The following SHC2 variants were observed in gnomAD, a reference collection of about 807,000 sequenced individuals.
The protein encoded by SHC2 is SHC adaptor protein 2, also known as SHC-transforming protein 2.
Under a neutral mutation model 60.6 loss-of-function variants are expected in SHC2, and 62 were observed. The observed-to-expected ratio is 1.02, with a 90% confidence interval of 0.83 to 1.26. The LOEUF is 1.26. Among genes scored for constraint, SHC2 ranks in the 50% most tolerant of loss-of-function variants. The pLI, the probability that SHC2 is intolerant of heterozygous loss-of-function variation, is 0.00. For missense variants in SHC2, 873 were observed against 822.2 expected (o/e 1.06, Z -0.76); for synonymous variants, 375 against 372.4 (o/e 1.01, Z -0.08).
At chr19:443,039 ATGGATGGACGGGTGGG>A (rs1180941844) in intron 1 of SHC2, among the ~76,000 whole-genome samples, 1 of 107,368 alleles carries the variant, frequency 9.3e-6, no homozygotes, top group Admixed American at 9.7e-5. Flanking sequence ...GGATGAATGG[ATGGATGGACGGGTGGG>A]TGGATGAGTG....
In SHC2 at chr19:428,940, G is replaced by A. The variant is rs553223468; in HGVS notation, c.1174+1744C>T. ...CACGGAAACCTCATACCGTGTGGAT[G>A]ACGCAGTACCTATACCCAACGTGCA... On this transcript the variant is annotated intron_variant, in intron 9 of 12. Coordinates refer to ENST00000264554, the MANE Select transcript of SHC2 (RefSeq NM_012435.3). Among the ~76,000 whole-genome samples, 15 of 149,886 alleles carry A rather than the reference G, an allele frequency of 1.0e-4. No individual in the cohort carries two copies. The South Asian group carries it at 3.2e-3, about 32-fold the overall frequency.
chr19:429,358 A>G (rs1449390908), intron 9 of SHC2, among the ~76,000 whole-genome samples: 2 of 149,120 alleles, frequency 1.3e-5, no homozygotes, highest in Non-Finnish European at 3.0e-5. Context: ...CCCAACACGC[A>G]CGGAAACCTA....
intron 11 of SHC2, among the ~76,000 whole-genome samples, chr19:420,681 T>C (rs1225846400): frequency 6.6e-6 from 1 of 152,170 alleles, no homozygotes; most frequent in Non-Finnish European, 1.5e-5. Context: ...ACTTCAAATA[T>C]GCAATTGATG....
Position 416,733 on chromosome 19 carries a change from G to A in SHC2, c.*595C>T, listed in dbSNP as rs1162292881. 1 of 152,254 alleles carries A rather than the reference G, an allele frequency of 6.6e-6. No individual in the cohort carries two copies. Among genetic ancestry groups the A allele is most frequent in the Admixed American group, 6.5e-5 (1 of 15,288 alleles). The allele number at this position is 152,254 out of a possible 1,614,324, so 9.4% of individuals were successfully genotyped here. On this transcript the variant is annotated 3_prime_UTR_variant, in exon 13 of 13. Transcript: ENST00000264554. Reference sequence around the variant, plus strand: ...CCTTCCCCTGCTCCCAGGTGGAGTAGGGGCCTCACGACTGCCTCGATATCC... The same window carrying A: ...CCTTCCCCTGCTCCCAGGTGGAGTAAGGGCCTCACGACTGCCTCGATATCC...
intron 11 of SHC2, among the ~76,000 whole-genome samples, chr19:420,747 AT>A (rs1271977548): frequency 3.3e-5 from 5 of 152,218 alleles, no homozygotes; most frequent in African/African-American, 1.2e-4. Context: ...GGGAGAGTGT[AT>A]ATCTTAGAAC....
chr19:422,472 A>C lies in SHC2; in HGVS notation c.1310-16T>G, dbSNP rs1196272672. ...TCAAAGGGTCCTGCAGGCCAGGGAC[A>C]GGAGTGCTGGGCAGGCAGGGGGCAA... On this transcript the variant is annotated splice_polypyrimidine_tract_variant and intron_variant, in intron 10 of 12. Transcript: ENST00000264554. This position sits in a 1 kb window ranked among gnomAD's most constrained non-coding sequence, Gnocchi z 5.0. 23 of 1,504,310 alleles carry C rather than the reference A, an allele frequency of 1.5e-5. No homozygotes were observed. Among genetic ancestry groups the C allele is most frequent in the Admixed American group, 2.2e-5 (1 of 46,192 alleles). 93.2% of individuals were successfully genotyped at this position (1,504,310 alleles called of 1,614,324 possible). A position where few individuals can be genotyped will look rare whatever the true frequency, so the allele number is the denominator to read the frequency against.
At chr19:455,068 C>T (rs1161390474) in intron 1 of SHC2, among the ~76,000 whole-genome samples, 6 of 152,242 alleles carry the variant, frequency 3.9e-5, no homozygotes, top group Non-Finnish European at 8.8e-5. Context: ...TTTAATGACA[C>T]CTGCAGAGAG....
intron 1 of SHC2, among the ~76,000 whole-genome samples, chr19:442,575 C>A (rs1253178713): frequency 1.6e-3 from 4 of 2,434 alleles, no homozygotes; most frequent in Non-Finnish European, 2.8e-3. Flanking sequence ...GGACGGATGG[C>A]TGGATGGATG....
At chr19:429,910 A>G (rs1431768788) in intron 9 of SHC2, among the ~76,000 whole-genome samples, 4 of 147,972 alleles carry the variant, frequency 2.7e-5, no homozygotes, top group African/African-American at 7.6e-5. Context: ...GAAACCTAAT[A>G]CCGTGTGGAT....
chr19:428,094 G>A (rs574284004), intron 9 of SHC2, among the ~76,000 whole-genome samples: 2 of 152,296 alleles, frequency 1.3e-5, no homozygotes, highest in Admixed American at 6.5e-5. Flanking sequence ...GTGCAGTGAC[G>A]CACGCCTGTG....
intron 9 of SHC2, among the ~76,000 whole-genome samples, chr19:428,398 A>G (rs990763544): frequency 1.3e-5 from 2 of 152,220 alleles, no homozygotes; most frequent in African/African-American, 2.4e-5. Context: ...AAGGCCTGCA[A>G]TCAACGCAGA....
intron 5 of SHC2, 47 bp downstream of exon 5, chr19:436,583 G>T: frequency 6.3e-7 from 1 of 1,591,354 alleles, no homozygotes. Flanking sequence ...TCTCGCGGCC[G>T]GAGGGGGGCG....
intron 12 of SHC2, among the ~76,000 whole-genome samples, chr19:417,838 G>A (rs376846531): frequency 2.6e-5 from 4 of 152,184 alleles, no homozygotes; most frequent in South Asian, 2.1e-4. Context: ...GGTGGAGGCC[G>A]CGGCCGCATA....
In SHC2 at chr19:440,972, C is replaced by T. The variant is rs1255176304; in HGVS notation, c.469-40G>A. Reference sequence around the variant, plus strand: ...CAGGTGTCAGATGCCATCGGAACCCCCGCAGTGGAGCCACGTCCCTTTTCC... The same window carrying T: ...CAGGTGTCAGATGCCATCGGAACCCTCGCAGTGGAGCCACGTCCCTTTTCC... On this transcript the variant is annotated intron_variant, in intron 1 of 12. Coordinates refer to ENST00000264554, the MANE Select transcript of SHC2 (RefSeq NM_012435.3). This position sits in a 1 kb window ranked among gnomAD's most constrained non-coding sequence, Gnocchi z 7.0. 1.3e-6 allele frequency: 2 copies of T among 1,587,134 alleles called. No individual in the cohort carries two copies. The highest frequency in any genetic ancestry group is 1.7e-6 in the Non-Finnish European group (2 of 1,156,846).
Position 446,931 on chromosome 19 carries a change from C to T in SHC2, c.469-5999G>A, listed in dbSNP as rs959864900. On this transcript the variant is annotated intron_variant, in intron 1 of 12. Transcript: ENST00000264554. This position sits in a 1 kb window ranked among gnomAD's most constrained non-coding sequence, Gnocchi z 5.4. Reference sequence around the variant, plus strand: ...GGGAGACCGTCCGAGTCTCCGCCACCGCCCACGCCAGCCACCGGGACCCAC... The same window carrying T: ...GGGAGACCGTCCGAGTCTCCGCCACTGCCCACGCCAGCCACCGGGACCCAC... 1.3e-4 allele frequency among the ~76,000 whole-genome samples: 20 copies of T among 152,204 alleles called. No individual in the cohort carries two copies. Among genetic ancestry groups the T allele is most frequent in the Admixed American group, 1.1e-3 (17 of 15,296 alleles).
At chr19:450,906 T>G (rs1162516230) in intron 1 of SHC2, among the ~76,000 whole-genome samples, 1 of 147,624 alleles carries the variant, frequency 6.8e-6, no homozygotes, top group Admixed American at 6.7e-5. Context: ...TTTCAGCGTG[T>G]GGATGGCCAT....
chr19:422,358 T>C lies in SHC2; in HGVS notation c.1408A>G (p.Thr470Ala). The C allele has an allele frequency of 6.2e-7, 1 of 1,604,364 alleles. No homozygotes were observed. The highest frequency in any genetic ancestry group is 8.5e-7 in the Non-Finnish European group (1 of 1,176,334). ...GTGGGGGCCACAGGGGCCCGGCGGGTAGGGGGGCTGGGCCACTGGTCCTCC... is the reference window on the plus strand; with the variant it reads ...GTGGGGGCCACAGGGGCCCGGCGGGCAGGGGGGCTGGGCCACTGGTCCTCC... ...PLEDQWPSPP[T>A]RRAPVAPTEE... Residue 470 changes from threonine (T) to alanine (A), a missense_variant, in exon 11 of 13, where the codon ACC (threonine) becomes GCC (alanine). Physicochemically the swap from Thr to Ala is moderately conservative, Grantham distance 58 (BLOSUM62 0). Transcript: ENST00000264554. This position sits in a 1 kb window ranked among gnomAD's most constrained non-coding sequence, Gnocchi z 5.0.
At chr19:417,923 G>A (rs1292456170) in intron 12 of SHC2, among the ~76,000 whole-genome samples, 2 of 152,124 alleles carry the variant, frequency 1.3e-5, no homozygotes, top group Non-Finnish European at 2.9e-5. Flanking sequence ...GCCTGACCTG[G>A]CCCAGAAGCG....
chr19:441,124 C>T lies in SHC2; in HGVS notation c.469-192G>A, dbSNP rs544647154. On this transcript the variant is annotated intron_variant, in intron 1 of 12. Transcript: ENST00000264554. This position sits in a 1 kb window ranked among gnomAD's most constrained non-coding sequence, Gnocchi z 4.9. ...TTGACACTGTCCTGCGAGCCGCCCC[C>T]TCTGACTCCAGGCATGTTTTTCTGT... 23 of 985,168 alleles carry T rather than the reference C, an allele frequency of 2.3e-5. 1 individual carries two copies. The South Asian group carries it at 9.4e-4, about 40-fold the overall frequency. 61.0% of individuals were successfully genotyped at this position (985,168 alleles called of 1,614,324 possible).
Sources: gnomAD v4.1 joint callset for allele counts (sites outside exome capture counted in the v4.1 genomes callset) on GRCh38, gnomAD v4.1.1 for gene constraint, Gnocchi (gnomAD v3.1) non-coding constraint, MANE v1.5 for transcripts, NCBI Gene and HGNC (gene_info 2026-07-23, HGNC 2026-07-21) for gene names.